MAP4K4: variants seen among roughly 807,000 people sequenced by gnomAD.
The protein encoded by MAP4K4 is HPK/GCK-like kinase HGK.
MAP4K4 carries 38 observed loss-of-function variants against 189.6 expected under a neutral mutation model. The ratio of observed to expected loss-of-function variants is 0.20; its 90% CI spans 0.15 to 0.26. MAP4K4 has a LOEUF of 0.26. MAP4K4 is among the 10% of genes least tolerant of loss of function. MAP4K4 has a pLI of 1.00. For synonymous variants in MAP4K4, 610 were observed against 624.3 expected (o/e 0.98, Z 0.34); for missense variants, 1,054 against 1,726.9 (o/e 0.61, Z 6.91).
chr2:101,834,169 T>C (rs994074964), intron 7 of MAP4K4, among the ~76,000 whole-genome samples: 15 of 146,962 alleles, frequency 1.0e-4, no homozygotes, highest in Admixed American at 3.4e-4. Context: ...TTCCTTCCTT[T>C]CCTTCCCTCC....
chr2:101,709,046 AATTT>A (rs1285257721), intron 2 of MAP4K4, among the ~76,000 whole-genome samples: 1 of 151,910 alleles, frequency 6.6e-6, no homozygotes, highest in African/African-American at 2.4e-5. Flanking sequence ...AAGGAGGGGG[AATTT>A]ATCTGTTTGG....
chr2:101,827,733 T>C (rs148142848), intron 5 of MAP4K4, among the ~76,000 whole-genome samples: 79 of 152,350 alleles, frequency 5.2e-4, no homozygotes, highest in Admixed American at 1.0e-3. Context: ...CCCACTTCCA[T>C]GTTCACATTC....
At chr2:101,789,844 G>T (rs571054462) in intron 2 of MAP4K4, among the ~76,000 whole-genome samples, 39 of 152,224 alleles carry the variant, frequency 2.6e-4, no homozygotes, top group South Asian at 2.1e-3. Context: ...ATTAAACCCA[G>T]TACTCCTCAT....
At chr2:101,830,487 C>G (rs1244199990) in intron 6 of MAP4K4, among the ~76,000 whole-genome samples, 1 of 152,182 alleles carries the variant, frequency 6.6e-6, no homozygotes, top group Admixed American at 6.5e-5. Flanking sequence ...ACTAACACAT[C>G]ACAACAAAAT....
At chr2:101,764,525 A>G (rs190874013) in intron 2 of MAP4K4, among the ~76,000 whole-genome samples, 1 of 152,346 alleles carries the variant, frequency 6.6e-6, no homozygotes, top group Non-Finnish European at 1.5e-5. Flanking sequence ...GACATGTTTG[A>G]AAAGTATGTA....
chr2:101,876,325 TAAGG>T (rs1010434484), intron 26 of MAP4K4, among the ~76,000 whole-genome samples: 4 of 151,902 alleles, frequency 2.6e-5, no homozygotes, highest in African/African-American at 9.7e-5. Flanking sequence ...GGTGTGGAAA[TAAGG>T]AAGGAGGCAG....
chr2:101,742,552 A>T (rs1262837015), intron 2 of MAP4K4, among the ~76,000 whole-genome samples: 3 of 152,092 alleles, frequency 2.0e-5, no homozygotes, highest in African/African-American at 7.2e-5. Context: ...CCCCTGTAAC[A>T]CAGTGTTAAC....
intron 3 of MAP4K4, among the ~76,000 whole-genome samples, chr2:101,810,775 C>T (rs1263296658): frequency 6.6e-6 from 1 of 152,094 alleles, no homozygotes; most frequent in Non-Finnish European, 1.5e-5. Context: ...ATTATTTTCC[C>T]CATTCTGTGT....
chr2:101,764,420 A>G (rs1040908623), intron 2 of MAP4K4, among the ~76,000 whole-genome samples: 3 of 152,206 alleles, frequency 2.0e-5, no homozygotes, highest in African/African-American at 7.2e-5. Flanking sequence ...TCAAATTCCC[A>G]TTGGTAAAAT....
intron 2 of MAP4K4, among the ~76,000 whole-genome samples, chr2:101,722,615 A>G (rs2052807523): frequency 6.6e-6 from 1 of 152,144 alleles, no homozygotes; most frequent in African/African-American, 2.4e-5. Flanking sequence ...AACTAGGATT[A>G]TGTTGGAAGT....
In MAP4K4 at chr2:101,833,584, C is replaced by T. The variant is rs546346488; in HGVS notation, c.640-825C>T. Among the ~76,000 whole-genome samples, 3 of 144,502 alleles carry T rather than the reference C, an allele frequency of 2.1e-5. No homozygotes were observed. The South Asian group carries it at 6.5e-4, about 31-fold the overall frequency. The allele number at this position is 144,502 out of a possible 152,430, so 94.8% of individuals were successfully genotyped here. A position where few individuals can be genotyped will look rare whatever the true frequency, so the allele number is the denominator to read the frequency against. ...GCGGTGAGCTGAGATCGCGCCACTG[C>T]ATTCCAGCCTGGGTGACAGAATGAG... is the stretch of plus-strand genomic sequence containing the variant. On this transcript the variant is annotated intron_variant, in intron 7 of 32. Transcript: ENST00000324219.
intron 2 of MAP4K4, among the ~76,000 whole-genome samples, chr2:101,784,393 G>C (rs1470733397): frequency 6.6e-6 from 1 of 152,004 alleles, no homozygotes; most frequent in East Asian, 1.9e-4. Context: ...CATGTCCTGA[G>C]CACTGGTTAA....
At chr2:101,760,730 G>A (rs192876800) in intron 2 of MAP4K4, among the ~76,000 whole-genome samples, 1,630 of 152,158 alleles carry the variant, frequency 0.011, 17 homozygotes, top group Middle Eastern at 0.041. Context: ...TTGGCCCGGC[G>A]CAGTGGCTCA....
At chr2:101,859,947 A>T in intron 15 of MAP4K4, 83 bp downstream of exon 15, 1 of 1,333,954 alleles carries the variant, frequency 7.5e-7, no homozygotes, top group Non-Finnish European at 1.1e-6. Context: ...TGAGTTCTAG[A>T]ACGGGCCATA....
intron 8 of MAP4K4, 51 bp downstream of exon 8, chr2:101,834,514 C>T: frequency 7.0e-7 from 1 of 1,429,258 alleles, no homozygotes; most frequent in Non-Finnish European, 9.7e-7. Context: ...TGACTTAAAC[C>T]CCTCCCAAGA....
chr2:101,757,691 C>T (rs970158348), intron 2 of MAP4K4, among the ~76,000 whole-genome samples: 1 of 152,092 alleles, frequency 6.6e-6, no homozygotes, highest in Non-Finnish European at 1.5e-5. Context: ...GTAAGTTAGG[C>T]ACAGTAAGAG....
At chr2:101,734,019 C>T (rs532496710) in intron 2 of MAP4K4, among the ~76,000 whole-genome samples, 2 of 152,260 alleles carry the variant, frequency 1.3e-5, no homozygotes, top group Non-Finnish European at 1.5e-5. Context: ...TTCATAAATT[C>T]GACCGAGCTT....
chr2:101,758,026 A>G (rs533940098), intron 2 of MAP4K4, among the ~76,000 whole-genome samples: 1 of 152,338 alleles, frequency 6.6e-6, no homozygotes, highest in East Asian at 1.9e-4. Flanking sequence ...TCCATCTCAA[A>G]AAACAAACAA....
chr2:101,765,949 T>G (rs930384915), intron 2 of MAP4K4, among the ~76,000 whole-genome samples: 4 of 152,160 alleles, frequency 2.6e-5, no homozygotes, highest in Non-Finnish European at 4.4e-5. Context: ...TCAGCTTGCT[T>G]GTTTCATCTT....
Sources: allele counts gnomAD v4.1 joint callset (sites outside exome capture counted in the v4.1 genomes callset), GRCh38; gene constraint gnomAD v4.1.1; transcripts MANE v1.5; gene names NCBI Gene and HGNC (gene_info 2026-07-23, HGNC 2026-07-21).